SYTL3: variants seen among roughly 807,000 people sequenced by gnomAD.
SYTL3 encodes synaptotagmin-like protein 3.
SYTL3 carries 88 observed loss-of-function variants against 82.1 expected under a neutral mutation model. The observed-to-expected ratio is 1.07, with a 90% CI of 0.90 to 1.28. The LOEUF (loss-of-function observed/expected upper bound fraction) is 1.28. Ranked by LOEUF, SYTL3 falls within the 50% of genes most tolerant of loss-of-function variation. SYTL3 has a pLI of 0.00. For missense variants in SYTL3, 831 were observed against 757.6 expected (o/e 1.10, Z -1.14); for synonymous variants, 311 against 289.4 (o/e 1.07, Z -0.76).
intron 8 of SYTL3, among the ~76,000 whole-genome samples, chr6:158,712,651 G>A (rs1379471167): frequency 1.3e-5 from 2 of 151,990 alleles, no homozygotes; most frequent in African/African-American, 2.4e-5. Context: ...TCATCGTTTA[G>A]GATTATGGCA....
intron 11 of SYTL3, chr6:158,726,161 A>G (rs971903820): frequency 1.6e-5 from 7 of 429,052 alleles, no homozygotes; most frequent in Non-Finnish European, 2.8e-5. Flanking sequence ...CTTTGCCTTC[A>G]TAGCACAAGC....
chr6:158,683,456 T>C (rs1778959125), intron 6 of SYTL3, among the ~76,000 whole-genome samples: 1 of 152,104 alleles, frequency 6.6e-6, no homozygotes, highest in Non-Finnish European at 1.5e-5. Context: ...CCTGACCTCA[T>C]GATCCGCCCG....
At chr6:158,742,736 A>G (rs531562854) in intron 11 of SYTL3, among the ~76,000 whole-genome samples, 1 of 152,092 alleles carries the variant, frequency 6.6e-6, no homozygotes, top group South Asian at 2.1e-4. Flanking sequence ...GTGTGCTACC[A>G]TGCCCGGCTA....
intron 4 of SYTL3, among the ~76,000 whole-genome samples, chr6:158,665,149 A>G (rs1450361438): frequency 1.3e-5 from 2 of 152,132 alleles, no homozygotes; most frequent in African/African-American, 4.8e-5. Flanking sequence ...ATACTTTGCC[A>G]TTTAGTCCTC....
At chr6:158,692,732 T>C (rs1188901071) in intron 6 of SYTL3, among the ~76,000 whole-genome samples, 1 of 146,268 alleles carries the variant, frequency 6.8e-6, no homozygotes, top group Non-Finnish European at 1.5e-5. Flanking sequence ...GATCAGGAGA[T>C]GGAGACCATC....
chr6:158,665,449 C>T lies in SYTL3; in HGVS notation c.165C>T (p.Asp55=). The change falls in exon 5 of 18, where the codon GAC becomes GAT. Residue 55 remains aspartate, a synonymous_variant. Transcript: ENST00000611299. ...GGTGGAAAGGAGCGAAGAACACGGA[C>T]TGGGAGCACAAAGAGAAGTGCTGTG... ...HLRWKGAKNT[D]WEHKEKCCAR... is the part of the protein sequence containing the mutation. 1 of 1,609,044 alleles carries T rather than the reference C, an allele frequency of 6.2e-7. No individual in the cohort carries two copies. Among genetic ancestry groups the T allele is most frequent in the Non-Finnish European group, 8.5e-7 (1 of 1,177,806 alleles).
At chr6:158,664,500 G>A (rs572217611) in intron 4 of SYTL3, among the ~76,000 whole-genome samples, 2 of 152,214 alleles carry the variant, frequency 1.3e-5, no homozygotes, top group South Asian at 2.1e-4. Flanking sequence ...CTGAGATCGC[G>A]CCACTGCACT....
rs1787537412 is a variant in SYTL3 at position 158,745,677 on chromosome 6, G to C, written c.1034+19G>C. ...GCAATCCGTAAGTTGTTTTTTTTAAGTTTAACATGAGACATATTGATTCCA... is the reference window on the plus strand; with the variant it reads ...GCAATCCGTAAGTTGTTTTTTTTAACTTTAACATGAGACATATTGATTCCA... On this transcript the variant is annotated intron_variant, in intron 12 of 17. Transcript: ENST00000611299. 6.4e-7 allele frequency: 1 copy of C among 1,561,590 alleles called. No homozygotes were observed. Among genetic ancestry groups the C allele is most frequent in the Admixed American group, 2.0e-5 (1 of 49,476 alleles).
intron 14 of SYTL3, among the ~76,000 whole-genome samples, chr6:158,757,982 C>T (rs984862127): frequency 9.9e-5 from 15 of 151,858 alleles, no homozygotes; most frequent in African/African-American, 3.4e-4. Context: ...ATTTAGGATC[C>T]GTGTCCCCCA....
rs151153631 is a variant in SYTL3, at chr6:158,737,722, G to A, written c.856-7758G>A. Among the ~76,000 whole-genome samples the A allele has an allele frequency of 4.4e-4, 67 of 152,356 alleles. 1 individual carries two copies. The highest frequency in any genetic ancestry group is 1.4e-3 in the African/African-American group (60 of 41,590). On this transcript the variant is annotated intron_variant, in intron 11 of 17. Transcript: ENST00000611299. ...CTGGCTCCAGAGAGAGCAGAACCAGGAGCCCTGCCAGGGCGATGGTGGTGG... is the reference window on the plus strand; with the variant it reads ...CTGGCTCCAGAGAGAGCAGAACCAGAAGCCCTGCCAGGGCGATGGTGGTGG...
intron 4 of SYTL3, among the ~76,000 whole-genome samples, chr6:158,663,894 T>C (rs1481932724): frequency 6.6e-6 from 1 of 152,078 alleles, no homozygotes; most frequent in Non-Finnish European, 1.5e-5. Context: ...GAGCATAAAA[T>C]ATGAACCTGC....
chr6:158,660,189 C>T (rs1315525955), intron 2 of SYTL3, among the ~76,000 whole-genome samples: 3 of 152,076 alleles, frequency 2.0e-5, no homozygotes, highest in Non-Finnish European at 4.4e-5. Context: ...TGCTTGAACC[C>T]AGGAGGCGGA....
chr6:158,720,530 A>G (rs1002410855), intron 10 of SYTL3, among the ~76,000 whole-genome samples: 7 of 151,976 alleles, frequency 4.6e-5, no homozygotes, highest in African/African-American at 1.2e-4. Flanking sequence ...TCTAAACTCT[A>G]TGTTCCCATA....
intron 2 of SYTL3, among the ~76,000 whole-genome samples, chr6:158,658,134 C>G (rs1055577521): frequency 6.6e-6 from 1 of 152,168 alleles, no homozygotes; most frequent in Non-Finnish European, 1.5e-5. Context: ...CCTCGTGATC[C>G]GCCTGCCTCA....
At position 158,739,029 on chromosome 6, in the gene SYTL3, C is replaced by A. The variant is rs78859006; in HGVS notation, c.856-6451C>A. Among the ~76,000 whole-genome samples, 9 of 152,218 alleles carry A rather than the reference C, an allele frequency of 5.9e-5. No homozygotes were observed. In the East Asian group the frequency reaches 1.5e-3, roughly 26 times the overall value. The stretch of plus-strand genomic sequence containing the variant: ...TTCCCCTCCCACTCACACAGCCCTC[C>A]CTGTCTGGCTCCCTGCAAAAGAAGG... On this transcript the variant is annotated intron_variant, in intron 11 of 17. Coordinates refer to ENST00000611299, the MANE Select transcript of SYTL3 (RefSeq NM_001242394.2).
intron 5 of SYTL3, among the ~76,000 whole-genome samples, chr6:158,676,330 G>A (rs1023600302): frequency 6.6e-6 from 1 of 152,054 alleles, no homozygotes; most frequent in African/African-American, 2.4e-5. Context: ...AATAAATGGT[G>A]CTGGGAAAAC....
chr6:158,715,639 A>AACCCCC (rs1554257152), intron 9 of SYTL3, among the ~76,000 whole-genome samples: 3 of 92,986 alleles, frequency 3.2e-5, no homozygotes, highest in African/African-American at 4.7e-5. Context: ...CACCCCCCAT[A>AACCCCC]CCCCCCCACC....
At chr6:158,663,404 C>T in intron 4 of SYTL3, 26 bp downstream of exon 4, 1 of 1,610,702 alleles carries the variant, frequency 6.2e-7, no homozygotes, top group Non-Finnish European at 8.5e-7. Flanking sequence ...CGGGGGGTCA[C>T]TTTGGGTGTT....
intron 6 of SYTL3, among the ~76,000 whole-genome samples, chr6:158,693,850 C>CTTTTTTTTTTTTTTT (rs1357595960): frequency 1.2e-4 from 7 of 58,432 alleles, no homozygotes; most frequent in African/African-American, 4.0e-4. Flanking sequence ...CTTTCTTTTT[C>CTTTTTTTTTTTTTTT]TTTTCTTTTT....
Sources: allele counts gnomAD v4.1 joint callset (sites outside exome capture counted in the v4.1 genomes callset), GRCh38; gene constraint gnomAD v4.1.1; transcripts MANE v1.5; gene names NCBI Gene and HGNC (gene_info 2026-07-23, HGNC 2026-07-21).